Variants in PCYT1B observed in about 807,000 individuals in gnomAD.
PCYT1B encodes phosphate cytidylyltransferase 1B, choline, also known as choline-phosphate cytidylyltransferase B.
PCYT1B carries 10 observed loss-of-function variants against 26.4 expected under a neutral mutation model. That is an observed-to-expected ratio of 0.38 (90% CI 0.23 to 0.64). The LOEUF (loss-of-function observed/expected upper bound fraction) is 0.64, where lower values mean the gene tolerates loss of function less well. Among genes scored for constraint, PCYT1B ranks in the 30% least tolerant of loss-of-function variants. PCYT1B has a pLI of 0.56. For missense variants in PCYT1B, 161 were observed against 292.7 expected (o/e 0.55, Z 3.28); for synonymous variants, 131 against 108.4 (o/e 1.21, Z -1.29).
At chrX:24,606,616 C>A (rs1470396284) in intron 3 of PCYT1B, among the ~76,000 whole-genome samples, 1 of 112,359 alleles carries the variant, frequency 8.9e-6, no homozygotes, top group East Asian at 2.8e-4. Context: ...GTAATGCCAG[C>A]ACTTTGGGAG....
intron 6 of PCYT1B, among the ~76,000 whole-genome samples, chrX:24,577,351 G>A (rs1924054143): frequency 2.7e-5 from 3 of 112,224 alleles, no homozygotes; most frequent in African/African-American, 9.7e-5. Flanking sequence ...TTATCTAAAC[G>A]CCGTTTAAAG....
At chrX:24,629,387 G>A (rs763647084) in intron 1 of PCYT1B, among the ~76,000 whole-genome samples, 4 of 106,874 alleles carry the variant, frequency 3.7e-5, no homozygotes, top group Non-Finnish European at 3.8e-5. Context: ...GCAACATGGC[G>A]AAACCCTCTC....
intron 2 of PCYT1B, among the ~76,000 whole-genome samples, chrX:24,609,685 A>G (rs910059518): frequency 1.8e-5 from 2 of 112,409 alleles, no homozygotes; most frequent in East Asian, 2.8e-4. Context: ...TGTCAACAAC[A>G]TTATGGAAAG....
Position 24,590,095 on chromosome X carries a change from G to A in PCYT1B, c.414C>T (p.His138=). ...NEAERYEALR[H]CRYVDEVIRD... ...TGATAACTTCGTCTACGTAGCGACA[G>A]TGTCTGAGAGCTTCGTATCTCTCGG... is the stretch of plus-strand genomic sequence containing the variant. The change falls in exon 4 of 8, where the codon CAC becomes CAT. Residue 138 remains histidine (H), a synonymous_variant. Transcript: ENST00000379144. 1 of 1,205,270 alleles carries A rather than the reference G, an allele frequency of 8.3e-7. No homozygotes were observed. Among genetic ancestry groups the A allele is most frequent in the South Asian group, 1.8e-5 (1 of 56,654 alleles).
intron 2 of PCYT1B, among the ~76,000 whole-genome samples, chrX:24,617,380 T>TG (rs375002316): frequency 1.9e-5 from 2 of 102,966 alleles, no homozygotes; most frequent in South Asian, 4.1e-4. Flanking sequence ...TGTTTTTTTT[T>TG]TTGTTTGTTT....
Position 24,647,176 on chromosome X carries a change from T to A in PCYT1B, c.-71A>T. On this transcript the variant is annotated 5_prime_UTR_variant, in exon 1 of 8. Transcript: ENST00000379144. ...TCCCAGGCAGAGAATGTTTTCTTTGTCACGTATTTTTCTCCCCTCTACCCT... is the reference window on the plus strand; with the variant it reads ...TCCCAGGCAGAGAATGTTTTCTTTGACACGTATTTTTCTCCCCTCTACCCT... 8.6e-7 allele frequency: 1 copy of A among 1,164,319 alleles called. No homozygotes were observed. Among genetic ancestry groups the A allele is most frequent in the Admixed American group, 2.3e-5 (1 of 42,648 alleles).
intron 1 of PCYT1B, among the ~76,000 whole-genome samples, chrX:24,637,363 C>T (rs940391532): frequency 3.9e-5 from 4 of 103,311 alleles, no homozygotes; most frequent in Admixed American, 1.1e-4. Context: ...TCTTTGGGGC[C>T]GGGCACGGTG....
chrX:24,597,278 C>A (rs934449290), intron 3 of PCYT1B, among the ~76,000 whole-genome samples: 10 of 110,472 alleles, frequency 9.1e-5, no homozygotes, highest in Non-Finnish European at 1.7e-4. Context: ...GCGTGTGCCA[C>A]CACGCTTGGC....
rs150736774 is a variant in PCYT1B at position 24,617,738 on chromosome X, G to A, written c.217+1247C>T. ...GCTGGGATTACAGGCATGAGCCACC[G>A]CGCCCGGCCGAGTTATGCCATGTTA... On this transcript the variant is annotated intron_variant, in intron 2 of 7. Coordinates refer to ENST00000379144, the MANE Select transcript of PCYT1B (RefSeq NM_004845.5). Among the ~76,000 whole-genome samples, 24 of 110,904 alleles carry A rather than the reference G, an allele frequency of 2.2e-4. No individual in the cohort carries two copies. In the East Asian group the frequency reaches 3.1e-3, roughly 14 times the overall value.
At chrX:24,601,277 G>A (rs1251385007) in intron 3 of PCYT1B, among the ~76,000 whole-genome samples, 2 of 111,996 alleles carry the variant, frequency 1.8e-5, no homozygotes, top group Non-Finnish European at 3.8e-5. Flanking sequence ...TGGATCACCT[G>A]AGGTCAGGAG....
upstream of PCYT1B, among the ~76,000 whole-genome samples, chrX:24,648,655 G>A (rs1227214284): frequency 1.8e-5 from 2 of 108,798 alleles, no homozygotes; most frequent in East Asian, 2.9e-4. Flanking sequence ...ACCAACATCA[G>A]CATCACCAGG....
At chrX:24,643,476 T>C (rs1407560574) in intron 1 of PCYT1B, among the ~76,000 whole-genome samples, 2 of 112,131 alleles carry the variant, frequency 1.8e-5, no homozygotes, top group East Asian at 5.5e-4. Flanking sequence ...CAGAGCACCA[T>C]GGTAAAATGG....
chrX:24,572,853 T>C (rs1411432224), intron 7 of PCYT1B, among the ~76,000 whole-genome samples: 1 of 107,833 alleles, frequency 9.3e-6, no homozygotes, highest in African/African-American at 3.4e-5. Context: ...CAAGAACAAT[T>C]CCAGCTACTA....
intron 2 of PCYT1B, among the ~76,000 whole-genome samples, chrX:24,615,452 C>T (rs1473861699): frequency 9.0e-6 from 1 of 110,850 alleles, no homozygotes; most frequent in Non-Finnish European, 1.9e-5. Context: ...GGAAGAACTA[C>T]TTCTCTTGTC....
intron 1 of PCYT1B, among the ~76,000 whole-genome samples, chrX:24,633,591 T>C (rs1166265885): frequency 9.0e-6 from 1 of 111,313 alleles, no homozygotes; most frequent in Non-Finnish European, 1.9e-5. Flanking sequence ...AGAGAATCAC[T>C]TGAACCTAGG....
At chrX:24,625,088 C>A (rs1925842445) in intron 1 of PCYT1B, among the ~76,000 whole-genome samples, 1 of 111,966 alleles carries the variant, frequency 8.9e-6, no homozygotes, top group East Asian at 2.8e-4. Context: ...AAAGTTATAA[C>A]CATCTCAAGA....
intron 5 of PCYT1B, among the ~76,000 whole-genome samples, chrX:24,582,532 C>T (rs1022972131): frequency 2.7e-5 from 3 of 112,055 alleles, no homozygotes; most frequent in Non-Finnish European, 1.9e-5. Context: ...TTCAGAATTG[C>T]GGCATTTGGT....
chrX:24,670,871 C>T (rs913090318), intron 1 of PCYT1B, among the ~76,000 whole-genome samples: 2 of 111,558 alleles, frequency 1.8e-5, no homozygotes, highest in African/African-American at 6.5e-5. Context: ...CAAAAGGTAT[C>T]AGAATACGGA....
chrX:24,605,067 T>C (rs1925081430), intron 3 of PCYT1B, among the ~76,000 whole-genome samples: 1 of 111,757 alleles, frequency 8.9e-6, no homozygotes, highest in African/African-American at 3.3e-5. Context: ...TTGAGAGTGA[T>C]AGAATGACTG....
Sources: allele counts gnomAD v4.1 joint callset (sites outside exome capture counted in the v4.1 genomes callset), GRCh38; gene constraint gnomAD v4.1.1; transcripts MANE v1.5; gene names NCBI Gene and HGNC (gene_info 2026-07-23, HGNC 2026-07-21).